The following BANF2 variants were observed in gnomAD, a reference collection of about 807,000 sequenced individuals.
BANF2 encodes BANF family member 2.
A neutral mutation model predicts 8.0 loss-of-function variants in BANF2; 4 were observed. The ratio of observed to expected loss-of-function variants is 0.50; its 90% CI spans 0.25 to 1.14. The LOEUF (loss-of-function observed/expected upper bound fraction) is 1.14. BANF2 is among the 50% of genes most tolerant of loss of function. The pLI is 0.16. For synonymous variants in BANF2, 50 were observed against 40.6 expected, an observed-to-expected ratio of 1.23 and a Z score of -0.88; for missense variants, 96 against 107.5, an observed-to-expected ratio of 0.89 and a Z score of 0.47.
At chr20:17,700,815 G>C (rs143404023) in intron 1 of BANF2, among the ~76,000 whole-genome samples, 1 of 152,164 alleles carries the variant, frequency 6.6e-6, no homozygotes, top group South Asian at 2.1e-4. Context: ...GTAGGGACCC[G>C]TTCTGGGCCC....
intron 1 of BANF2, among the ~76,000 whole-genome samples, chr20:17,701,303 G>A (rs999189046): frequency 5.3e-5 from 8 of 152,290 alleles, no homozygotes; most frequent in East Asian, 1.9e-4. Context: ...TGAACCTCCC[G>A]TGCCAGACCC....
intron 1 of BANF2, among the ~76,000 whole-genome samples, chr20:17,711,325 C>G (rs1309100685): frequency 2.0e-5 from 3 of 152,246 alleles, no homozygotes; most frequent in Non-Finnish European, 4.4e-5. Context: ...CATTGTTTAA[C>G]TGCACAGTGG....
At chr20:17,706,070 G>A (rs776926377) in intron 1 of BANF2, among the ~76,000 whole-genome samples, 4 of 152,174 alleles carry the variant, frequency 2.6e-5, no homozygotes, top group African/African-American at 4.8e-5. Context: ...TTAGGAAAAC[G>A]CAGCCACCCA....
At chr20:17,734,736 G>C (rs928198978) in intron 3 of BANF2, among the ~76,000 whole-genome samples, 1 of 152,162 alleles carries the variant, frequency 6.6e-6, no homozygotes, top group Non-Finnish European at 1.5e-5. Flanking sequence ...GCAATGCACA[G>C]GACAGCCCCC....
chr20:17,697,197 C>A (rs1231759496), upstream of BANF2, among the ~76,000 whole-genome samples: 1 of 152,160 alleles, frequency 6.6e-6, no homozygotes, highest in African/African-American at 2.4e-5. Context: ...AAAGCATGAA[C>A]AAGAGCCATA....
intron 3 of BANF2, among the ~76,000 whole-genome samples, chr20:17,731,749 C>A (rs1452859205): frequency 9.3e-6 from 1 of 107,196 alleles, no homozygotes; most frequent in East Asian, 2.7e-4. Flanking sequence ...AATGAGATCC[C>A]GTCTCTTAGG....
chr20:17,720,336 C>G (rs1049234000), intron 1 of BANF2, among the ~76,000 whole-genome samples: 1 of 152,168 alleles, frequency 6.6e-6, no homozygotes, highest in East Asian at 1.9e-4. Flanking sequence ...GCATCCCAAA[C>G]GTCTATCAAT....
In BANF2 at chr20:17,700,351, T is replaced by C. The variant is rs113733170; in HGVS notation, c.-167+296T>C. On this transcript the variant is annotated intron_variant, in intron 1 of 3. Coordinates refer to ENST00000246090, the MANE Select transcript of BANF2 (RefSeq NM_178477.5). The stretch of plus-strand genomic sequence containing the variant: ...GGGCAAAGGTCACCTGTGTTCTTAA[T>C]AGAGCAGAGAGGCCAGGCTTTCAGA... Among the ~76,000 whole-genome samples the C allele has an allele frequency of 4.0e-4, 61 of 152,022 alleles. 1 individual carries two copies. In the East Asian group the frequency reaches 0.011, roughly 27 times the overall value.
chr20:17,729,896 C>T (rs898481616), intron 3 of BANF2, among the ~76,000 whole-genome samples: 6 of 152,216 alleles, frequency 3.9e-5, no homozygotes, highest in Non-Finnish European at 8.8e-5. Context: ...GAAAACCCCA[C>T]CTATGGGTAG....
intron 1 of BANF2, among the ~76,000 whole-genome samples, chr20:17,713,432 T>C (rs1209617209): frequency 6.6e-6 from 1 of 152,048 alleles, no homozygotes; most frequent in Non-Finnish European, 1.5e-5. Context: ...TGTCAGGGGC[T>C]ATGAGGAGGG....
At position 17,700,030 on chromosome 20, in the gene BANF2, T is replaced by C; in HGVS notation, c.-192T>C. On this transcript the variant is annotated 5_prime_UTR_variant, in exon 1 of 4. Coordinates refer to ENST00000246090, the MANE Select transcript of BANF2 (RefSeq NM_178477.5). ...AAGGTGACTGAGACAAACTGCCAGC[T>C]GCCACTGGCTTATCAGGAGCACCTG... 1 of 984,236 alleles carries C rather than the reference T, an allele frequency of 1.0e-6. No homozygotes were observed. Among genetic ancestry groups the C allele is most frequent in the Non-Finnish European group, 1.2e-6 (1 of 828,800 alleles). The allele number at this position is 984,236 out of a possible 1,614,324, so 61.0% of individuals were successfully genotyped here. A position where few individuals can be genotyped will look rare whatever the true frequency, so the allele number is the denominator to read the frequency against.
At chr20:17,726,739 A>T (rs2037814199) in intron 3 of BANF2, among the ~76,000 whole-genome samples, 1 of 152,234 alleles carries the variant, frequency 6.6e-6, no homozygotes. Flanking sequence ...TTCTGATGTC[A>T]AACAGCATTG....
chr20:17,705,287 A>G (rs568864178), intron 1 of BANF2, among the ~76,000 whole-genome samples: 1 of 152,320 alleles, frequency 6.6e-6, no homozygotes, highest in Non-Finnish European at 1.5e-5. Flanking sequence ...AAGCTAAAAA[A>G]TTGTCCCAAT....
At chr20:17,723,890 G>T (rs1183325303) in intron 2 of BANF2, among the ~76,000 whole-genome samples, 1 of 152,206 alleles carries the variant, frequency 6.6e-6, no homozygotes, top group Non-Finnish European at 1.5e-5. Flanking sequence ...AGCTACTCGG[G>T]AGGCTGAGGC....
intron 1 of BANF2, among the ~76,000 whole-genome samples, chr20:17,707,109 C>T (rs1405399773): frequency 2.0e-5 from 3 of 152,028 alleles, no homozygotes; most frequent in East Asian, 3.9e-4. Flanking sequence ...CCCAGCCGGG[C>T]GCAGTGGCTC....
intron 1 of BANF2, among the ~76,000 whole-genome samples, chr20:17,701,200 G>A (rs6080787): frequency 0.13 from 20,213 of 152,132 alleles, 1,357 homozygotes; most frequent in Middle Eastern, 0.23. Context: ...CACTGGAAAA[G>A]GAAAAAAGAC....
rs532672438 is a variant in BANF2, at chr20:17,701,119, C to A, written c.-167+1064C>A. ...TGTGATGGGCTGAAGCCAACCTCTG[C>A]TTCACACACAAATCCAAGACGCCAA... On this transcript the variant is annotated intron_variant, in intron 1 of 3. Transcript: ENST00000246090. Among the ~76,000 whole-genome samples, 10 of 152,310 alleles carry A rather than the reference C, an allele frequency of 6.6e-5. No homozygotes were observed. The South Asian group carries it at 1.9e-3, about 28-fold the overall frequency.
chr20:17,708,038 C>T lies in BANF2; in HGVS notation c.-167+7983C>T, dbSNP rs1267851603. 3.1e-3 allele frequency among the ~76,000 whole-genome samples: 230 copies of T among 73,988 alleles called. 1 individual carries two copies. Among genetic ancestry groups the T allele is most frequent in the African/African-American group, 0.013 (217 of 16,722 alleles). The allele number at this position is 73,988 out of a possible 152,430, so 48.5% of individuals were successfully genotyped here. ...CCAACATGGTGAAACCCTGTCTCTA[C>T]TAAAAATCAAAAAAAAAAAAAAAAA... On this transcript the variant is annotated intron_variant, in intron 1 of 3. Coordinates refer to ENST00000246090, the MANE Select transcript of BANF2 (RefSeq NM_178477.5).
At chr20:17,727,518 G>A (rs768764016) in intron 3 of BANF2, among the ~76,000 whole-genome samples, 1 of 152,146 alleles carries the variant, frequency 6.6e-6, no homozygotes, top group Non-Finnish European at 1.5e-5. Context: ...TAAATTTGGG[G>A]GTGAGAGCCT....
Sources: gnomAD v4.1 joint callset for allele counts (sites outside exome capture counted in the v4.1 genomes callset) on GRCh38, gnomAD v4.1.1 for gene constraint, MANE v1.5 for transcripts, NCBI Gene and HGNC (gene_info 2026-07-23, HGNC 2026-07-21) for gene names.